COLEC12: variants seen among roughly 807,000 people sequenced by gnomAD.
COLEC12 encodes collectin-12.
COLEC12 carries 33 observed loss-of-function variants against 71.1 expected under a neutral mutation model. The observed-to-expected ratio is 0.46, with a 90% CI of 0.35 to 0.62. COLEC12 has a LOEUF of 0.62. Ranked by LOEUF, COLEC12 falls within the 20% of genes least tolerant of loss-of-function variation. The pLI is 0.00. For missense variants in COLEC12, 765 were observed against 916.1 expected (o/e 0.84, Z 2.13); for synonymous variants, 350 against 353.0 (o/e 0.99, Z 0.10).
intron 8 of COLEC12, among the ~76,000 whole-genome samples, chr18:324,092 G>T (rs571359484): frequency 6.6e-6 from 1 of 152,208 alleles, no homozygotes; most frequent in East Asian, 1.9e-4. Context: ...AAAGTGGGTA[G>T]CCTGAAGCCA....
chr18:495,759 T>C (rs773042941), intron 1 of COLEC12, among the ~76,000 whole-genome samples: 1 of 152,196 alleles, frequency 6.6e-6, no homozygotes, highest in Non-Finnish European at 1.5e-5. Context: ...TTGAATGCAT[T>C]ATTAGGGCAT....
chr18:368,876 C>A (rs563264280), intron 2 of COLEC12, among the ~76,000 whole-genome samples: 294 of 152,212 alleles, frequency 1.9e-3, no homozygotes, highest in Non-Finnish European at 3.0e-3. Flanking sequence ...AAAAACAAAA[C>A]AAAACAAAAC....
chr18:386,516 T>C (rs1915348213), intron 2 of COLEC12, among the ~76,000 whole-genome samples: 3 of 152,182 alleles, frequency 2.0e-5, no homozygotes, highest in South Asian at 2.1e-4. Flanking sequence ...CCTATGTCCA[T>C]TAACATTGGA....
At chr18:376,543 G>C (rs16943541) in intron 2 of COLEC12, among the ~76,000 whole-genome samples, 7,972 of 152,188 alleles carry the variant, frequency 0.052, 512 homozygotes, top group East Asian at 0.33. Context: ...CCTTTCAAAA[G>C]ATCATTTTGC....
intron 2 of COLEC12, among the ~76,000 whole-genome samples, chr18:433,519 T>G (rs992704773): frequency 6.6e-6 from 1 of 152,068 alleles, no homozygotes; most frequent in Non-Finnish European, 1.5e-5. Context: ...ATTGGTTTCT[T>G]AGGAGATGTT....
chr18:333,288 G>A (rs570806163), intron 6 of COLEC12, 145 bp from the exon 7 acceptor site: 56 of 631,140 alleles, frequency 8.9e-5, no homozygotes, highest in African/African-American at 7.7e-4. Context: ...TGACGTTCAC[G>A]GACGTGCTCG....
chr18:351,072 T>C (rs989097174), intron 3 of COLEC12, among the ~76,000 whole-genome samples: 5 of 152,134 alleles, frequency 3.3e-5, no homozygotes, highest in Non-Finnish European at 7.4e-5. Flanking sequence ...CGCATGACTG[T>C]GTGAGATTCT....
Position 498,382 on chromosome 18 carries a change from G to C in COLEC12, c.7+2126C>G, listed in dbSNP as rs28607196. ...TTTTTTCTTTTTTTTTTTTTTAGAC[G>C]GAGTCTCGCTCTTGTCACCCAGGCT... On this transcript the variant is annotated intron_variant, in intron 1 of 9. Transcript: ENST00000400256. Among the ~76,000 whole-genome samples the C allele has an allele frequency of 9.9e-3, 962 of 97,064 alleles. 18 individuals are homozygous for C. The highest frequency in any genetic ancestry group is 0.046 in the African/African-American group (927 of 19,936). 63.7% of individuals were successfully genotyped at this position (97,064 alleles called of 152,430 possible).
intron 2 of COLEC12, among the ~76,000 whole-genome samples, chr18:410,570 C>G (rs1915873533): frequency 6.6e-6 from 1 of 152,096 alleles, no homozygotes; most frequent in Non-Finnish European, 1.5e-5. Context: ...ACCCGAGTAG[C>G]TGGGATTACA....
rs1162670398 is a variant in COLEC12 at position 500,006 on chromosome 18, C to G, written c.7+502G>C. ...GAACTCCTCGGGCACCTAATCATTG[C>G]CAGATGTGGCGAGGGCGCACGGAGA... On this transcript the variant is annotated intron_variant, in intron 1 of 9. Coordinates refer to ENST00000400256, the MANE Select transcript of COLEC12 (RefSeq NM_130386.3). This position sits in a 1 kb window ranked among gnomAD's most constrained non-coding sequence, Gnocchi z 5.3. Among the ~76,000 whole-genome samples the G allele has an allele frequency of 6.6e-6, 1 of 152,212 alleles. No individual in the cohort carries two copies. Among genetic ancestry groups the G allele is most frequent in the Admixed American group, 6.5e-5 (1 of 15,286 alleles).
chr18:409,917 C>A (rs1195041805), intron 2 of COLEC12, among the ~76,000 whole-genome samples: 1 of 152,186 alleles, frequency 6.6e-6, no homozygotes, highest in East Asian at 1.9e-4. Flanking sequence ...AATGGGCTGA[C>A]TGAGGCATGT....
intron 8 of COLEC12, among the ~76,000 whole-genome samples, chr18:329,972 G>T (rs535701465): frequency 1.3e-5 from 2 of 152,162 alleles, no homozygotes; most frequent in Non-Finnish European, 2.9e-5. Flanking sequence ...AGGGACTTGG[G>T]AGTCTGAGGT....
At chr18:495,808 T>C (rs1917701514) in intron 1 of COLEC12, among the ~76,000 whole-genome samples, 1 of 152,204 alleles carries the variant, frequency 6.6e-6, no homozygotes, top group African/African-American at 2.4e-5. Flanking sequence ...ACACATGTGA[T>C]TCTGGAATCA....
At chr18:466,288 C>T (rs1380984939) in intron 2 of COLEC12, among the ~76,000 whole-genome samples, 1 of 152,024 alleles carries the variant, frequency 6.6e-6, no homozygotes, top group Non-Finnish European at 1.5e-5. Flanking sequence ...TTACATAGAC[C>T]AACCCCAGTT....
intron 2 of COLEC12, among the ~76,000 whole-genome samples, chr18:395,582 A>G (rs901746723): frequency 6.6e-6 from 1 of 152,202 alleles, no homozygotes; most frequent in Non-Finnish European, 1.5e-5. Flanking sequence ...GCATTCCAAG[A>G]GGGTACTGTA....
chr18:464,091 C>T (rs1917038841), intron 2 of COLEC12, among the ~76,000 whole-genome samples: 3 of 152,164 alleles, frequency 2.0e-5, no homozygotes, highest in Non-Finnish European at 2.9e-5. Flanking sequence ...ACTAGAGGCC[C>T]GCACTGCTGC....
intron 2 of COLEC12, among the ~76,000 whole-genome samples, chr18:412,586 A>G (rs115486311): frequency 0.019 from 2,853 of 152,248 alleles, 94 homozygotes; most frequent in African/African-American, 0.064. Context: ...CTTCCTCTTG[A>G]GTTTTCTAAA....
chr18:346,925 C>A lies in COLEC12; in HGVS notation c.697G>T (p.Ala233Ser), dbSNP rs188912413. 3.3e-5 allele frequency: 54 copies of A among 1,614,178 alleles called. 1 individual carries two copies. The Admixed American group carries it at 7.3e-4, about 22-fold the overall frequency. ...AAGTCGTTCTTGATTCGCTGGATAG[C>A]CTGGCTTGTGTCATCCACAGACCGC... ...LQRSVDDTSQ[A>S]IQRIKNDFQN... The change falls in exon 5 of 10, where the codon GCT (alanine) becomes TCT (serine). Residue 233 changes from alanine (A) to serine (S), a missense_variant. Ala to Ser is a moderately conservative substitution (Grantham distance 99, BLOSUM62 1). Transcript: ENST00000400256. This position sits in a 1 kb window ranked among gnomAD's most constrained non-coding sequence, Gnocchi z 4.0.
At chr18:363,413 C>T (rs1280920453) in intron 2 of COLEC12, among the ~76,000 whole-genome samples, 1 of 152,158 alleles carries the variant, frequency 6.6e-6, no homozygotes, top group Admixed American at 6.5e-5. Context: ...GTCTATAGCT[C>T]AGTGGTGTTG....
Sources: gnomAD v4.1 joint callset for allele counts (sites outside exome capture counted in the v4.1 genomes callset) on GRCh38, gnomAD v4.1.1 for gene constraint, Gnocchi (gnomAD v3.1) non-coding constraint, MANE v1.5 for transcripts, NCBI Gene and HGNC (gene_info 2026-07-23, HGNC 2026-07-21) for gene names.